Variants in DNER observed in about 807,000 individuals in gnomAD.
The protein encoded by DNER is delta and Notch-like epidermal growth factor-related receptor.
In DNER, 33 loss-of-function variants were observed where a neutral mutation model predicts 78.2. The observed-to-expected ratio is 0.42, with a 90% confidence interval of 0.32 to 0.56. The LOEUF (loss-of-function observed/expected upper bound fraction) is 0.56. DNER is among the 20% of genes least tolerant of loss of function. The pLI, the probability that DNER is intolerant of heterozygous loss-of-function variation, is 0.11. For synonymous variants in DNER, 417 were observed against 384.8 expected (o/e 1.08, Z -0.98); for missense variants, 918 against 975.3 (o/e 0.94, Z 0.78).
chr2:229,386,323 A>G (rs1190358425), intron 11 of DNER, among the ~76,000 whole-genome samples: 2 of 152,236 alleles, frequency 1.3e-5, no homozygotes, highest in Admixed American at 6.5e-5. Context: ...AACTAACTCA[A>G]GATGGATAAA....
chr2:229,444,562 T>C (rs561704999), intron 8 of DNER, among the ~76,000 whole-genome samples: 7 of 152,330 alleles, frequency 4.6e-5, no homozygotes, highest in Non-Finnish European at 7.3e-5. Context: ...CTAACTCCCT[T>C]CAATTTTAAG....
intron 7 of DNER, among the ~76,000 whole-genome samples, chr2:229,460,180 A>T (rs1437075321): frequency 6.8e-6 from 1 of 147,988 alleles, no homozygotes; most frequent in Non-Finnish European, 1.5e-5. Context: ...AAAAAAAAAA[A>T]AATTATGAAA....
intron 6 of DNER, among the ~76,000 whole-genome samples, chr2:229,484,549 G>T (rs1559364171): frequency 6.6e-6 from 1 of 152,138 alleles, no homozygotes; most frequent in Non-Finnish European, 1.5e-5. Flanking sequence ...TGTTGTTGTT[G>T]TTCAGGAGCC....
chr2:229,673,663 A>G (rs1051400336), intron 1 of DNER, among the ~76,000 whole-genome samples: 37 of 152,292 alleles, frequency 2.4e-4, no homozygotes, highest in African/African-American at 8.9e-4. Context: ...CTTAGCTCAG[A>G]ATGCCAGGAC....
At chr2:229,648,211 T>C (rs1698753547) in intron 1 of DNER, among the ~76,000 whole-genome samples, 1 of 152,220 alleles carries the variant, frequency 6.6e-6, no homozygotes, top group South Asian at 2.1e-4. Context: ...ATGCTGTTGC[T>C]TTCCCATTAA....
intron 3 of DNER, chr2:229,586,744 A>G: frequency 1.0e-6 from 1 of 985,640 alleles, no homozygotes; most frequent in Non-Finnish European, 1.2e-6. Context: ...CCTAGCCCAC[A>G]TATTACCTCT....
In DNER at chr2:229,461,394, T is replaced by C. The variant is rs139944769; in HGVS notation, c.1262-13854A>G. On this transcript the variant is annotated intron_variant, in intron 7 of 12. Transcript: ENST00000341772. ...TGACCGGTCAACCTAGTAATAATGA[T>C]CTCTCAAGGTAAGTGTTTTTTTTAA... 5.1e-3 allele frequency among the ~76,000 whole-genome samples: 779 copies of C among 152,096 alleles called. 18 individuals carry two copies. Among genetic ancestry groups the C allele is most frequent in the African/African-American group, 0.018 (746 of 41,420 alleles).
At chr2:229,601,076 C>T (rs1697817402) in intron 1 of DNER, among the ~76,000 whole-genome samples, 1 of 152,102 alleles carries the variant, frequency 6.6e-6, no homozygotes, top group Non-Finnish European at 1.5e-5. Flanking sequence ...TCCTGGGGCT[C>T]AGCACACTCA....
rs1305445608 is a variant in DNER, at chr2:229,358,549, T to G, written c.2205A>C (p.Lys735Asn). The change falls in exon 13 of 13, where the codon AAA becomes AAC. Residue 735 changes from lysine (K) to asparagine (N), a missense_variant. Physicochemically the swap from Lys to Asn is moderately conservative, Grantham distance 94. Coordinates refer to ENST00000341772, the MANE Select transcript of DNER (RefSeq NM_139072.4). ...DKPLVTLIKT[K>N]DL ...ATAATCCAAAAAAAGATTACAAATCTTTAGTTTTAATCAGTGTGACCAAGG... is the reference window on the plus strand; with the variant it reads ...ATAATCCAAAAAAAGATTACAAATCGTTAGTTTTAATCAGTGTGACCAAGG... 6.8e-6 allele frequency: 11 copies of G among 1,607,520 alleles called. No individual in the cohort carries two copies. The highest frequency in any genetic ancestry group is 8.5e-6 in the Non-Finnish European group (10 of 1,177,144).
intron 1 of DNER, among the ~76,000 whole-genome samples, chr2:229,698,354 T>A (rs1362378759): frequency 6.6e-6 from 1 of 152,144 alleles, no homozygotes; most frequent in Non-Finnish European, 1.5e-5. Flanking sequence ...TTTTTCCAAA[T>A]ATACAGGAGA....
chr2:229,411,979 TTTA>T (rs1286765483), intron 9 of DNER, among the ~76,000 whole-genome samples: 1 of 152,192 alleles, frequency 6.6e-6, no homozygotes, highest in Non-Finnish European at 1.5e-5. Flanking sequence ...CTTCTAAATA[TTTA>T]TTATTGTTAT....
intron 1 of DNER, among the ~76,000 whole-genome samples, chr2:229,606,590 T>C (rs1343809895): frequency 1.3e-5 from 2 of 152,066 alleles, no homozygotes; most frequent in Non-Finnish European, 2.9e-5. Context: ...AACCAAAAAT[T>C]AACATAAAAA....
At chr2:229,450,069 C>T (rs1024786150) in intron 7 of DNER, among the ~76,000 whole-genome samples, 12 of 152,208 alleles carry the variant, frequency 7.9e-5, no homozygotes, top group Admixed American at 6.5e-5. Flanking sequence ...CGTGAGCCAC[C>T]GTGCCTGGGC....
chr2:229,625,053 T>A (rs1698312988), intron 1 of DNER, among the ~76,000 whole-genome samples: 1 of 152,208 alleles, frequency 6.6e-6, no homozygotes, highest in Non-Finnish European at 1.5e-5. Flanking sequence ...TTTTGTTTTA[T>A]TATATATTGA....
chr2:229,414,906 C>T (rs1053257553), intron 9 of DNER, among the ~76,000 whole-genome samples: 3 of 152,154 alleles, frequency 2.0e-5, no homozygotes, highest in African/African-American at 7.2e-5. Context: ...CTCATGTCTG[C>T]AATCCCAGCA....
rs1340899239 is a variant in DNER at position 229,646,055 on chromosome 2, T to C, written c.277-54167A>G. On this transcript the variant is annotated intron_variant, in intron 1 of 12. Transcript: ENST00000341772. ...AATTCCCTGACAATGTGGATTCTAATCTTTTTTCTGTTGCTGCCTGAATCT... is the reference window on the plus strand; with the variant it reads ...AATTCCCTGACAATGTGGATTCTAACCTTTTTTCTGTTGCTGCCTGAATCT... 8.5e-5 allele frequency among the ~76,000 whole-genome samples: 13 copies of C among 152,228 alleles called. No homozygotes were observed. In the East Asian group the frequency reaches 2.5e-3, roughly 29 times the overall value.
intron 6 of DNER, among the ~76,000 whole-genome samples, chr2:229,512,378 C>T (rs1343058354): frequency 1.5e-5 from 1 of 66,940 alleles, no homozygotes; most frequent in Non-Finnish European, 3.3e-5. Flanking sequence ...GAGACTCTGT[C>T]TCAAAAAAAA....
intron 1 of DNER, among the ~76,000 whole-genome samples, chr2:229,673,989 G>T (rs1699255695): frequency 2.0e-5 from 3 of 152,210 alleles, no homozygotes; most frequent in Admixed American, 6.5e-5. Context: ...CTCCTTGCAG[G>T]TCACTGCACA....
chr2:229,648,172 T>C (rs1698753133), intron 1 of DNER, among the ~76,000 whole-genome samples: 1 of 152,220 alleles, frequency 6.6e-6, no homozygotes, highest in African/African-American at 2.4e-5. Context: ...TTCATTCTTA[T>C]GTTTGTCTTT....
Sources: gnomAD v4.1 joint callset for allele counts (sites outside exome capture counted in the v4.1 genomes callset) on GRCh38, gnomAD v4.1.1 for gene constraint, MANE v1.5 for transcripts, NCBI Gene and HGNC (gene_info 2026-07-23, HGNC 2026-07-21) for gene names.